Variants in POU2AF2 observed in about 807,000 individuals in gnomAD.
POU2AF2 encodes POU domain class 2-associating factor 2.
chr11:111,282,025 G>A, the POU2AF2 span, among the ~76,000 whole-genome samples: 1 of 151,970 alleles, frequency 6.6e-6, no homozygotes, highest in South Asian at 2.1e-4. Context: ...CGAGGATCCC[G>A]AATATTTAAA....
the POU2AF2 span, chr11:111,255,842 A>G: frequency 7.4e-5 from 29 of 394,060 alleles, no homozygotes; most frequent in African/African-American, 1.0e-4. Flanking sequence ...AAGCTACTCT[A>G]TCAAAGCCAC....
chr11:111,246,331 A>G, the POU2AF2 span, among the ~76,000 whole-genome samples: 2 of 152,232 alleles, frequency 1.3e-5, no homozygotes, highest in African/African-American at 4.8e-5. Context: ...AAGTAAGGTC[A>G]TTCTATTTAC....
At chr11:111,271,630 C>G in the POU2AF2 span, among the ~76,000 whole-genome samples, 2 of 152,044 alleles carry the variant, frequency 1.3e-5, no homozygotes, top group Admixed American at 6.6e-5. Flanking sequence ...CACTGTCTTG[C>G]CCAGGCTAGT....
the POU2AF2 span, among the ~76,000 whole-genome samples, chr11:111,283,627 T>C: frequency 3.3e-5 from 5 of 152,298 alleles, no homozygotes; most frequent in East Asian, 1.9e-4. Context: ...TGGGGTTATA[T>C]GTGTTACCTT....
At chr11:111,256,952 C>T in the POU2AF2 span, among the ~76,000 whole-genome samples, 359 of 152,320 alleles carry the variant, frequency 2.4e-3, 2 homozygotes, top group African/African-American at 8.4e-3. Flanking sequence ...AAATCTTTAT[C>T]TGCCATCCAT....
At chr11:111,250,126 T>C in the POU2AF2 span, among the ~76,000 whole-genome samples, 1 of 152,122 alleles carries the variant, frequency 6.6e-6, no homozygotes, top group Non-Finnish European at 1.5e-5. Flanking sequence ...CAAAACCGAC[T>C]CTTTCCCCGA....
chr11:111,276,941 G>A, the POU2AF2 span, among the ~76,000 whole-genome samples: 1 of 152,088 alleles, frequency 6.6e-6, no homozygotes, highest in African/African-American at 2.4e-5. Flanking sequence ...GAAAGTCTGG[G>A]AAAGGAATAA....
chr11:111,281,896 T>A, the POU2AF2 span, among the ~76,000 whole-genome samples: 3 of 152,166 alleles, frequency 2.0e-5, no homozygotes, highest in African/African-American at 7.2e-5. Flanking sequence ...TTGGACATTC[T>A]TGTATAAACA....
chr11:111,266,194 T>G, the POU2AF2 span, among the ~76,000 whole-genome samples: 1 of 152,190 alleles, frequency 6.6e-6, no homozygotes, highest in Admixed American at 6.5e-5. Context: ...ACAAGTGATG[T>G]GACTTTCTGA....
At chr11:111,276,453 A>AAAAATATATATATATATAT in the POU2AF2 span, among the ~76,000 whole-genome samples, 28 of 37,598 alleles carry the variant, frequency 7.4e-4, no homozygotes, top group Admixed American at 1.4e-3. Flanking sequence ...AAAAAAAAAA[A>AAAAATATATATATATATAT]ATATATATAT....
the POU2AF2 span, among the ~76,000 whole-genome samples, chr11:111,262,098 A>G: frequency 6.6e-6 from 1 of 152,188 alleles, no homozygotes. Context: ...AAATTATTTC[A>G]CTGCTAAAAT....
At chr11:111,277,661 AG>A in the POU2AF2 span, among the ~76,000 whole-genome samples, 1 of 152,236 alleles carries the variant, frequency 6.6e-6, no homozygotes, top group African/African-American at 2.4e-5. Context: ...TGTGTCTCAC[AG>A]GGGCCTTGAT....
At chr11:111,255,776 C>G in the POU2AF2 span, among the ~76,000 whole-genome samples, 1 of 151,860 alleles carries the variant, frequency 6.6e-6, no homozygotes. Flanking sequence ...GTGTTTCTGT[C>G]ACTTAGTAGA....
At chr11:111,247,952 C>G in the POU2AF2 span, among the ~76,000 whole-genome samples, 1 of 140,972 alleles carries the variant, frequency 7.1e-6, no homozygotes. Context: ...GGCGCGATCT[C>G]CGCTCACTGC....
At chr11:111,285,828 A>G in the POU2AF2 span, 2 of 1,609,374 alleles carry the variant, frequency 1.2e-6, no homozygotes, top group South Asian at 1.1e-5. Context: ...GCTCAGTCAT[A>G]CTCGCTGCAT....
At chr11:111,264,954 GAGGAAGGA>G in the POU2AF2 span, among the ~76,000 whole-genome samples, 1 of 144,510 alleles carries the variant, frequency 6.9e-6, no homozygotes, top group Non-Finnish European at 1.5e-5. Context: ...GAGGGAGGGA[GAGGAAGGA>G]AGGAAGGAAG....
At chr11:111,283,107 C>CA in the POU2AF2 span, among the ~76,000 whole-genome samples, 1 of 138,740 alleles carries the variant, frequency 7.2e-6, no homozygotes, top group African/African-American at 2.8e-5. Context: ...GGCGAGATCT[C>CA]AGCTCACTGC....
the POU2AF2 span, among the ~76,000 whole-genome samples, chr11:111,277,088 G>T: frequency 6.6e-6 from 1 of 152,152 alleles, no homozygotes; most frequent in African/African-American, 2.4e-5. Context: ...AAAGAGAATA[G>T]CACACCCATA....
the POU2AF2 span, among the ~76,000 whole-genome samples, chr11:111,281,914 C>T: frequency 1.3e-5 from 2 of 152,194 alleles, no homozygotes; most frequent in Admixed American, 1.3e-4. Context: ...ACACACACCA[C>T]ACAGGCAAAG....
Sources: gnomAD v4.1 joint callset for allele counts (sites outside exome capture counted in the v4.1 genomes callset) on GRCh38, gnomAD v4.1.1 for gene constraint, MANE v1.5 for transcripts, NCBI Gene and HGNC (gene_info 2026-07-23, HGNC 2026-07-21) for gene names.